CNMD: variants seen among roughly 807,000 people sequenced by gnomAD.
CNMD encodes leukocyte cell-derived chemotaxin 1.
Under a neutral mutation model 37.5 loss-of-function variants are expected in CNMD, and 30 were observed. That is an observed-to-expected ratio of 0.80 (90% confidence interval 0.60 to 1.09). The LOEUF is 1.09. Ranked by LOEUF, CNMD falls within the 50% of genes least tolerant of loss-of-function variation. The probability of loss-of-function intolerance (pLI) is 0.00; values close to 1 mark genes in which losing one functional copy is unlikely to be tolerated. For missense variants in CNMD, 398 were observed against 423.9 expected, an observed-to-expected ratio of 0.94 and a Z score of 0.54; for synonymous variants, 167 against 148.2, an observed-to-expected ratio of 1.13 and a Z score of -0.92.
Position 52,717,823 on chromosome 13 carries a change from C to T in CNMD, c.469-4954G>A, listed in dbSNP as rs1178415772. ...ATTTTCTTTTTTTGTTGTGTCTCTG[C>T]CAGGTTTTAGTATCAGGATGATGCT... is the stretch of plus-strand genomic sequence containing the variant. On this transcript the variant is annotated intron_variant, in intron 4 of 6. Transcript: ENST00000377962. 2.0e-5 allele frequency among the ~76,000 whole-genome samples: 3 copies of T among 152,048 alleles called. No individual in the cohort carries two copies. The East Asian group carries it at 5.8e-4, about 29-fold the overall frequency.
Position 52,724,097 on chromosome 13 carries a change from A to G in CNMD, c.368T>C (p.Ile123Thr). 1 of 1,612,840 alleles carries G rather than the reference A, an allele frequency of 6.2e-7. No homozygotes were observed. The highest frequency in any genetic ancestry group is 8.5e-7 in the Non-Finnish European group (1 of 1,178,966). ...VNDFQNGITG[I>T]RFAGGEKCYI... ...GCACTTCTCTCCTCCAGCAAAACGA[A>G]TTCCTGTGATGCCCTATGAAACAAA... is the stretch of plus-strand genomic sequence containing the variant. Residue 123 changes from isoleucine (I) to threonine (T), a missense_variant, in exon 4 of 7, where the codon ATT becomes ACT. Coordinates refer to ENST00000377962, the MANE Select transcript of CNMD (RefSeq NM_007015.3).
chr13:52,728,821 G>T (rs1964617789), intron 3 of CNMD, among the ~76,000 whole-genome samples: 1 of 152,168 alleles, frequency 6.6e-6, no homozygotes, highest in Admixed American at 6.5e-5. Flanking sequence ...ACACACCGCA[G>T]TGAGAACTGA....
chr13:52,732,785 C>T (rs910415023), intron 3 of CNMD, among the ~76,000 whole-genome samples: 1 of 152,196 alleles, frequency 6.6e-6, no homozygotes, highest in East Asian at 1.9e-4. Context: ...TCCTTCAAGT[C>T]TTTCTGCCAA....
Position 52,706,731 on chromosome 13 carries a change from GTGTGTGTA to G in CNMD, c.789+1797_789+1804del, listed in dbSNP as rs1162913750. Among the ~76,000 whole-genome samples, 119 of 16,734 alleles carry G rather than the reference GTGTGTGTA, an allele frequency of 7.1e-3. No homozygotes were observed. The South Asian group carries it at 0.085, about 12-fold the overall frequency. The allele number at this position is 16,734 out of a possible 152,430, so 11.0% of individuals were successfully genotyped here. The stretch of plus-strand genomic sequence containing the variant: ...TAAAAGTTTTGTGTTAAAAGTGTGT[GTGTGTGTA>G]TGTGTGTGTGTCTGTGGGTGTGTAC... On this transcript the variant is annotated intron_variant, in intron 6 of 6. Transcript: ENST00000377962.
chr13:52,721,695 G>T (rs1208108690), intron 4 of CNMD, among the ~76,000 whole-genome samples: 2 of 152,176 alleles, frequency 1.3e-5, no homozygotes, highest in Non-Finnish European at 2.9e-5. Flanking sequence ...TGCCTTCTGT[G>T]TTGATCTCAC....
chr13:52,732,581 C>A (rs926801621), intron 3 of CNMD, among the ~76,000 whole-genome samples: 6 of 152,172 alleles, frequency 3.9e-5, no homozygotes, highest in African/African-American at 1.4e-4. Flanking sequence ...TGCTCATGGT[C>A]ATTTTCTGGA....
At chr13:52,723,670 C>A (rs192273972) in intron 4 of CNMD, among the ~76,000 whole-genome samples, 1 of 152,086 alleles carries the variant, frequency 6.6e-6, no homozygotes, top group Non-Finnish European at 1.5e-5. Flanking sequence ...TGGCTCACTC[C>A]TATAATCCTG....
At chr13:52,723,144 T>A (rs902141522) in intron 4 of CNMD, among the ~76,000 whole-genome samples, 1 of 152,098 alleles carries the variant, frequency 6.6e-6, no homozygotes, top group East Asian at 1.9e-4. Context: ...CAGCCTGGAG[T>A]GCACTGGTGC....
intron 4 of CNMD, among the ~76,000 whole-genome samples, chr13:52,722,020 G>A (rs1364660643): frequency 6.6e-6 from 1 of 152,068 alleles, no homozygotes; most frequent in Non-Finnish European, 1.5e-5. Flanking sequence ...AATGCAATAA[G>A]AGAAGTTCAA....
At chr13:52,720,358 T>C (rs898129410) in intron 4 of CNMD, among the ~76,000 whole-genome samples, 2 of 152,206 alleles carry the variant, frequency 1.3e-5, no homozygotes, top group African/African-American at 4.8e-5. Flanking sequence ...TCATTCTCCA[T>C]CCAGATTTGT....
intron 4 of CNMD, among the ~76,000 whole-genome samples, chr13:52,714,603 AAAT>A (rs1383483034): frequency 2.6e-5 from 4 of 152,214 alleles, no homozygotes; most frequent in Non-Finnish European, 4.4e-5. Context: ...TTATTATTTG[AAAT>A]AATGAAAAAT....
intron 5 of CNMD, among the ~76,000 whole-genome samples, chr13:52,710,967 C>A (rs1233241274): frequency 6.6e-6 from 1 of 152,200 alleles, no homozygotes; most frequent in Non-Finnish European, 1.5e-5. Context: ...CTAGTGCCCA[C>A]CCCATGGCCC....
At chr13:52,711,566 G>C (rs1410976508) in intron 5 of CNMD, among the ~76,000 whole-genome samples, 1 of 152,120 alleles carries the variant, frequency 6.6e-6, no homozygotes, top group African/African-American at 2.4e-5. Context: ...GTGGCTTGTC[G>C]CTGAATCCTA....
intron 3 of CNMD, among the ~76,000 whole-genome samples, chr13:52,727,210 A>G (rs1964589657): frequency 6.6e-6 from 1 of 152,086 alleles, no homozygotes; most frequent in Non-Finnish European, 1.5e-5. Flanking sequence ...TGGATGTTGC[A>G]GTGAGTTGAA....
chr13:52,735,915 C>T (rs1171737540), intron 2 of CNMD, among the ~76,000 whole-genome samples: 97 of 151,636 alleles, frequency 6.4e-4, no homozygotes, highest in Non-Finnish European at 2.4e-4. Context: ...CTGCAACCTC[C>T]GCCTCCCAGG....
chr13:52,710,540 A>C (rs1245319102), intron 5 of CNMD, among the ~76,000 whole-genome samples: 1 of 152,188 alleles, frequency 6.6e-6, no homozygotes, highest in Non-Finnish European at 1.5e-5. Context: ...TGCTGGCTTC[A>C]AGATCCAAGG....
rs144902233 is a variant in CNMD at position 52,706,121 on chromosome 13, T to A, written c.790-2311A>T. On this transcript the variant is annotated intron_variant, in intron 6 of 6. Transcript: ENST00000377962. Reference sequence around the variant, plus strand: ...AGAAAAACGTGCAAATGACTTAGTATATGAAAAGATGCTCACCCTTACACA... The same window carrying A: ...AGAAAAACGTGCAAATGACTTAGTAAATGAAAAGATGCTCACCCTTACACA... Among the ~76,000 whole-genome samples the A allele has an allele frequency of 3.3e-3, 506 of 152,316 alleles. 3 individuals carry two copies. The highest frequency in any genetic ancestry group is 0.011 in the African/African-American group (457 of 41,566).
At chr13:52,738,834 G>A (rs960419618) in intron 2 of CNMD, among the ~76,000 whole-genome samples, 197 bp downstream of exon 2, 63 of 152,194 alleles carry the variant, frequency 4.1e-4, no homozygotes, top group Non-Finnish European at 6.8e-4. Context: ...CTTCTCCCGT[G>A]AAACCTTCAC....
intron 4 of CNMD, among the ~76,000 whole-genome samples, chr13:52,715,507 C>T (rs916370224): frequency 6.6e-6 from 1 of 152,156 alleles, no homozygotes; most frequent in African/African-American, 2.4e-5. Flanking sequence ...CCCTAGCACT[C>T]CCACTCCCTG....
Sources: gnomAD v4.1 joint callset for allele counts (sites outside exome capture counted in the v4.1 genomes callset) on GRCh38, gnomAD v4.1.1 for gene constraint, MANE v1.5 for transcripts, NCBI Gene and HGNC (gene_info 2026-07-23, HGNC 2026-07-21) for gene names.